The following LDLRAD4 variants were observed in gnomAD, a reference collection of about 807,000 sequenced individuals.
The protein encoded by LDLRAD4 is low-density lipoprotein receptor class A domain-containing protein 4.
Under a neutral mutation model 17.0 loss-of-function variants are expected in LDLRAD4, and 5 were observed. The observed-to-expected ratio is 0.29, with a 90% CI of 0.15 to 0.62. The LOEUF (loss-of-function observed/expected upper bound fraction) is 0.62. LDLRAD4 is among the 20% of genes least tolerant of loss of function. The pLI is 0.84. For missense variants in LDLRAD4, 340 were observed against 424.7 expected (o/e 0.80, Z 1.75); for synonymous variants, 168 against 171.8 (o/e 0.98, Z 0.17).
At chr18:13,272,317 T>A (rs564647293) in intron 1 of LDLRAD4, among the ~76,000 whole-genome samples, 1 of 152,342 alleles carries the variant, frequency 6.6e-6, no homozygotes, top group South Asian at 2.1e-4. Flanking sequence ...TTGAAGAGAC[T>A]GGACACTTGA....
intron 1 of LDLRAD4, among the ~76,000 whole-genome samples, chr18:13,342,477 C>CTTTTTTTTTTT (rs10706515): frequency 2.6e-5 from 1 of 38,668 alleles, no homozygotes; most frequent in African/African-American, 1.0e-4. Context: ...GCCTTCCTGT[C>CTTTTTTTTTTT]TTTTTTTTTT....
rs546644231 is a variant in LDLRAD4 at position 13,400,521 on chromosome 18, G to A, written c.40+12759G>A. 2.8e-4 allele frequency among the ~76,000 whole-genome samples: 43 copies of A among 152,282 alleles called. 1 individual carries two copies. The highest frequency in any genetic ancestry group is 2.6e-4 in the Admixed American group (4 of 15,304). ...ACGGAGCCTTCTCTTTGTGCAGTCC[G>A]TGCACACATGAGCAGCCCTGACTCT... is the stretch of plus-strand genomic sequence containing the variant. On this transcript the variant is annotated intron_variant, in intron 2 of 5. Coordinates refer to ENST00000359446, the Ensembl canonical transcript of LDLRAD4.
chr18:13,277,898 G>A (rs8083909), upstream of LDLRAD4, among the ~76,000 whole-genome samples: 4,291 of 152,256 alleles, frequency 0.028, 215 homozygotes, highest in African/African-American at 0.099. Flanking sequence ...GGGGGATTTT[G>A]TCCCAGTTTG....
At chr18:13,462,664 G>A (rs560990376) in intron 3 of LDLRAD4, among the ~76,000 whole-genome samples, 244 of 152,284 alleles carry the variant, frequency 1.6e-3, no homozygotes, top group African/African-American at 5.6e-3. Context: ...CTTGAAGAGC[G>A]CCCAAGAAAG....
intron 1 of LDLRAD4, among the ~76,000 whole-genome samples, chr18:13,348,854 T>A (rs112393628): frequency 0.012 from 1,813 of 152,062 alleles, 37 homozygotes; most frequent in African/African-American, 0.041. Flanking sequence ...GCTCCATGGG[T>A]GTAGGACCCT....
rs181478923 is a variant in LDLRAD4, at chr18:13,597,409, T to A, written c.182-23708T>A. Among the ~76,000 whole-genome samples, 94 of 152,304 alleles carry A rather than the reference T, an allele frequency of 6.2e-4. No individual in the cohort carries two copies. In the East Asian group the frequency reaches 0.016, roughly 26 times the overall value. On this transcript the variant is annotated intron_variant, in intron 3 of 5. Transcript: ENST00000359446. Reference sequence around the variant, plus strand: ...TTTGGTCTCTTTGAATTTATCCTATTTGGAGTTTGTTGTAATTCCTGAGTG... The same window carrying A: ...TTTGGTCTCTTTGAATTTATCCTATATGGAGTTTGTTGTAATTCCTGAGTG...
chr18:13,474,862 G>A (rs552157182), intron 3 of LDLRAD4, among the ~76,000 whole-genome samples: 1 of 152,186 alleles, frequency 6.6e-6, no homozygotes, highest in Admixed American at 6.5e-5. Context: ...GGAAATGTGC[G>A]GCCCAGGGGC....
At chr18:13,501,506 T>A (rs985329893) in intron 3 of LDLRAD4, among the ~76,000 whole-genome samples, 1 of 152,176 alleles carries the variant, frequency 6.6e-6, no homozygotes, top group African/African-American at 2.4e-5. Context: ...TGTCTGTCTG[T>A]CTGGGTCTCA....
intron 3 of LDLRAD4, among the ~76,000 whole-genome samples, chr18:13,580,349 T>C (rs1369525077): frequency 1.3e-5 from 2 of 152,210 alleles, no homozygotes; most frequent in Admixed American, 1.3e-4. Context: ...GCTTGTGACC[T>C]TTTCGTCATC....
At chr18:13,351,473 G>A (rs2083032149) in intron 1 of LDLRAD4, among the ~76,000 whole-genome samples, 1 of 152,122 alleles carries the variant, frequency 6.6e-6, no homozygotes, top group Non-Finnish European at 1.5e-5. Context: ...TTTGCACATT[G>A]ATTTTGTATC....
chr18:13,282,150 C>T (rs2045321448), intron 1 of LDLRAD4, among the ~76,000 whole-genome samples: 1 of 152,150 alleles, frequency 6.6e-6, no homozygotes, highest in Non-Finnish European at 1.5e-5. Context: ...CCCCTGGGTC[C>T]CTCCCATAAC....
chr18:13,230,274 C>A (rs2042007308), intron 1 of LDLRAD4, among the ~76,000 whole-genome samples: 1 of 152,188 alleles, frequency 6.6e-6, no homozygotes. Flanking sequence ...TTTGCTGTTT[C>A]TAAATGACCC....
chr18:13,591,436 G>C lies in LDLRAD4; in HGVS notation c.182-29681G>C, dbSNP rs1305021207. Among the ~76,000 whole-genome samples the C allele has an allele frequency of 2.2e-3, 335 of 151,260 alleles. 4 individuals carry two copies. The highest frequency in any genetic ancestry group is 7.9e-3 in the African/African-American group (328 of 41,258). Reference sequence around the variant, plus strand: ...TGTGTATGTGTGTGTGTGTGTCTGTGTGTGTGTGTGTGTCTCTGTGTGTGT... The same window carrying C: ...TGTGTATGTGTGTGTGTGTGTCTGTCTGTGTGTGTGTGTCTCTGTGTGTGT... On this transcript the variant is annotated intron_variant, in intron 3 of 5. Coordinates refer to ENST00000359446, the Ensembl canonical transcript of LDLRAD4.
intron 3 of LDLRAD4, among the ~76,000 whole-genome samples, chr18:13,619,940 G>A (rs2040456708): frequency 6.6e-6 from 1 of 151,970 alleles, no homozygotes; most frequent in African/African-American, 2.4e-5. Flanking sequence ...AGGCCCCAGT[G>A]TCCCACTGCC....
chr18:13,403,354 G>A (rs1443871681), intron 2 of LDLRAD4, among the ~76,000 whole-genome samples: 1 of 152,202 alleles, frequency 6.6e-6, no homozygotes. Flanking sequence ...TCTCTCTTCT[G>A]TGGTGAAAAA....
intron 4 of LDLRAD4, among the ~76,000 whole-genome samples, chr18:13,637,119 T>TTTG (rs1328419896): frequency 1.3e-5 from 2 of 151,918 alleles, no homozygotes; most frequent in African/African-American, 2.4e-5. Context: ...TTGTTTTGTT[T>TTTG]TTGTTGTTGT....
intron 1 of LDLRAD4, among the ~76,000 whole-genome samples, chr18:13,244,690 C>T (rs1173352890): frequency 2.0e-5 from 3 of 152,044 alleles, no homozygotes; most frequent in Non-Finnish European, 2.9e-5. Flanking sequence ...CCTCTCCTTC[C>T]CTCTTCCCCC....
At chr18:13,329,951 A>G (rs1467868662) in intron 1 of LDLRAD4, among the ~76,000 whole-genome samples, 1 of 144,874 alleles carries the variant, frequency 6.9e-6, no homozygotes, top group African/African-American at 2.5e-5. Flanking sequence ...TGTAACTTCC[A>G]CTCCCTCCAA....
At chr18:13,528,420 C>A (rs1002649706) in intron 3 of LDLRAD4, among the ~76,000 whole-genome samples, 6 of 152,226 alleles carry the variant, frequency 3.9e-5, no homozygotes, top group East Asian at 1.9e-4. Context: ...TCAAGCAATT[C>A]TTCTGCCTCA....
Sources: allele counts gnomAD v4.1 joint callset (sites outside exome capture counted in the v4.1 genomes callset), GRCh38; gene constraint gnomAD v4.1.1; transcripts MANE v1.5; gene names NCBI Gene and HGNC (gene_info 2026-07-23, HGNC 2026-07-21).